CTPS1: variants seen among roughly 807,000 people sequenced by gnomAD.
CTPS1 encodes CTP synthase 1, also known as CTP synthetase 1.
In CTPS1, 25 loss-of-function variants were observed where a neutral mutation model predicts 80.5. That is an observed-to-expected ratio of 0.31 (90% CI 0.23 to 0.43). The LOEUF (loss-of-function observed/expected upper bound fraction) is 0.43, where lower values mean the gene tolerates loss of function less well. CTPS1 is among the 20% of genes least tolerant of loss of function. The pLI, the probability that CTPS1 is intolerant of heterozygous loss-of-function variation, is 1.00. For missense variants in CTPS1, 442 were observed against 725.7 expected, an observed-to-expected ratio of 0.61 and a Z score of 4.49; for synonymous variants, 267 against 252.5, an observed-to-expected ratio of 1.06 and a Z score of -0.54.
chr1:41,005,755 T>A (rs1238336401), intron 12 of CTPS1, among the ~76,000 whole-genome samples: 1 of 151,878 alleles, frequency 6.6e-6, no homozygotes, highest in African/African-American at 2.4e-5. Flanking sequence ...TGAAAAAAAA[T>A]TAGCTGGATG....
chr1:40,991,615 T>C, intron 6 of CTPS1, 150 bp from the exon 7 acceptor site: 1 of 597,796 alleles, frequency 1.7e-6, no homozygotes, highest in South Asian at 2.2e-5. Context: ...AAACGAGTCA[T>C]AATATTTTTA....
chr1:40,997,742 G>C (rs1570964094), intron 9 of CTPS1, among the ~76,000 whole-genome samples: 1 of 152,340 alleles, frequency 6.6e-6, no homozygotes, highest in East Asian at 1.9e-4. Flanking sequence ...GGCTAGAGGA[G>C]AGGGTGAGAG....
chr1:40,984,075 T>C (rs1001021790), intron 2 of CTPS1, among the ~76,000 whole-genome samples: 1 of 152,238 alleles, frequency 6.6e-6, no homozygotes, highest in Admixed American at 6.5e-5. Flanking sequence ...GGTGAAAATA[T>C]GCAAGCATTA....
rs759063799 is a variant in CTPS1 at position 40,991,723 on chromosome 1, A to T, written c.640-42A>T. The T allele has an allele frequency of 1.0e-5, 15 of 1,434,432 alleles. No individual in the cohort carries two copies. The East Asian group carries it at 3.4e-4, about 33-fold the overall frequency. The allele number at this position is 1,434,432 out of a possible 1,614,324, so 88.9% of individuals were successfully genotyped here. A position where few individuals can be genotyped will look rare whatever the true frequency, so the allele number is the denominator to read the frequency against. On this transcript the variant is annotated intron_variant, in intron 6 of 18. Transcript: ENST00000650070. ...GTCAGGAGAAACCCCTACTTCTGTC[A>T]TTTTTTCCTTCTGTCTAAGCCATCT...
rs1642599588 is a variant in CTPS1 at position 40,991,150 on chromosome 1, T to C, written c.556-15T>C. The stretch of plus-strand genomic sequence containing the variant: ...AGGGAAACTAACTTTTTTTTTTTTT[T>C]CTTTTGTGAAATAGCCAAGTTCAAC... On this transcript the variant is annotated splice_polypyrimidine_tract_variant and intron_variant, in intron 5 of 18. Transcript: ENST00000650070. The C allele has an allele frequency of 1.3e-6, 2 of 1,565,226 alleles. No homozygotes were observed. The highest frequency in any genetic ancestry group is 1.7e-6 in the Non-Finnish European group (2 of 1,161,600).
rs374103645 is a variant in CTPS1 at position 40,985,007 on chromosome 1, C to T, written c.337+16C>T. ...ACTGTCCAAGGTAATACTGGATTTA[C>T]CTTTAAAGCTTAAAAGTCTTAACCA... is the stretch of plus-strand genomic sequence containing the variant. On this transcript the variant is annotated intron_variant, in intron 3 of 18. Transcript: ENST00000650070. The T allele has an allele frequency of 3.1e-5, 48 of 1,528,248 alleles. No individual in the cohort carries two copies. In the African/African-American group the frequency reaches 4.9e-4, roughly 16 times the overall value. The allele number at this position is 1,528,248 out of a possible 1,614,324, so 94.7% of individuals were successfully genotyped here. A position where few individuals can be genotyped will look rare whatever the true frequency, so the allele number is the denominator to read the frequency against.
intron 1 of CTPS1, chr1:40,980,873 C>G (rs907701372): frequency 2.6e-5 from 4 of 153,254 alleles, no homozygotes; most frequent in African/African-American, 9.6e-5. Flanking sequence ...GGCCTTACCT[C>G]TGTTCTCTGT....
chr1:40,985,475 C>T (rs1642428067), intron 3 of CTPS1, among the ~76,000 whole-genome samples: 2 of 152,192 alleles, frequency 1.3e-5, no homozygotes, highest in South Asian at 4.1e-4. Context: ...CTGGGTCCTC[C>T]CAAGCTTTCA....
intron 7 of CTPS1, among the ~76,000 whole-genome samples, chr1:40,994,214 G>T (rs988594425): frequency 1.2e-4 from 18 of 152,134 alleles, no homozygotes; most frequent in African/African-American, 4.3e-4. Flanking sequence ...AGGTCATGAA[G>T]ATTTTCTTGT....
rs117651382 is a variant in CTPS1, at chr1:40,989,927, T to G, written c.555+1217T>G. The stretch of plus-strand genomic sequence containing the variant: ...AGCAAAAAGACCAAGAGATAGAAAA[T>G]AGGAGAGAAAAGGTAAAATTAGAGG... On this transcript the variant is annotated intron_variant, in intron 5 of 18. Coordinates refer to ENST00000650070, the MANE Select transcript of CTPS1 (RefSeq NM_001905.4). Among the ~76,000 whole-genome samples, 8 of 151,650 alleles carry G rather than the reference T, an allele frequency of 5.3e-5. No homozygotes were observed. In the East Asian group the frequency reaches 1.6e-3, roughly 29 times the overall value.
At chr1:41,005,978 T>C in intron 12 of CTPS1, 73 bp from the exon 13 acceptor site, 3 of 1,240,282 alleles carry the variant, frequency 2.4e-6, no homozygotes, top group Non-Finnish European at 3.6e-6. Flanking sequence ...AAGTTGTGTT[T>C]AGAGCTTAGC....
Position 40,991,797 on chromosome 1 carries a change from A to G in CTPS1, c.672A>G (p.Thr224=). The G allele has an allele frequency of 6.2e-7, 1 of 1,614,120 alleles. No homozygotes were observed. ...VVCRCSNPLD[T]SVKEKISMFC... ...GCAGGTGCTCAAATCCACTTGACAC[A>G]TCAGTGAAGGAGAAAATATCAATGT... Residue 224 remains threonine, a synonymous_variant, in exon 7 of 19, where the codon ACA becomes ACG. Coordinates refer to ENST00000650070, the MANE Select transcript of CTPS1 (RefSeq NM_001905.4).
rs969931235 is a variant in CTPS1, at chr1:40,987,407, G to T, written c.373G>T (p.Val125Leu). 6.2e-7 allele frequency: 1 copy of T among 1,613,978 alleles called. No individual in the cohort carries two copies. The highest frequency in any genetic ancestry group is 8.5e-7 in the Non-Finnish European group (1 of 1,179,978). ...TATCACAGATGCAATCCAGGAGTGG[G>T]TGATGAGACAGGCGTTAATACCTGT... ...PHITDAIQEW[V>L]MRQALIPVDE... The change falls in exon 4 of 19, where the codon GTG becomes TTG. Residue 125 changes from valine (V) to leucine (L), a missense_variant. Physicochemically the swap from Val to Leu is conservative, Grantham distance 32 (BLOSUM62 1). Coordinates refer to ENST00000650070, the MANE Select transcript of CTPS1 (RefSeq NM_001905.4).
intron 17 of CTPS1, 84 bp from the exon 18 acceptor site, chr1:41,010,077 C>T: frequency 1.2e-6 from 1 of 835,678 alleles, no homozygotes; most frequent in Non-Finnish European, 2.0e-6. Flanking sequence ...GGCAAGTGTC[C>T]CTGTAGGAAC....
At chr1:41,009,669 T>A in intron 17 of CTPS1, 80 bp downstream of exon 17, 1 of 1,514,204 alleles carries the variant, frequency 6.6e-7, no homozygotes. Context: ...CAGCAACACG[T>A]CACAGTCAGT....
In CTPS1 at chr1:41,002,354, A is replaced by G. The variant is rs1168516565; in HGVS notation, c.1189+100A>G. 6.2e-5 allele frequency: 58 copies of G among 941,686 alleles called. 1 individual carries two copies. Among genetic ancestry groups the G allele is most frequent in the Middle Eastern group, 6.2e-4 (2 of 3,240 alleles). The allele number at this position is 941,686 out of a possible 1,614,324, so 58.3% of individuals were successfully genotyped here. A position where few individuals can be genotyped will look rare whatever the true frequency, so the allele number is the denominator to read the frequency against. ...AACAAAGTGGGGGGATTACTGAAAC[A>G]TGCTGTCTTTGTGGATAGGAGCTCA... On this transcript the variant is annotated intron_variant, in intron 11 of 18. Transcript: ENST00000650070.
chr1:40,998,228 C>G (rs1296065191), intron 9 of CTPS1, among the ~76,000 whole-genome samples: 1 of 149,914 alleles, frequency 6.7e-6, no homozygotes, highest in Non-Finnish European at 1.5e-5. Flanking sequence ...GAAACCCTGT[C>G]TCTACTTACA....
chr1:40,993,832 G>A (rs187582400), intron 7 of CTPS1, among the ~76,000 whole-genome samples: 337 of 119,714 alleles, frequency 2.8e-3, no homozygotes, highest in African/African-American at 9.9e-3. Flanking sequence ...AGACTGTAGT[G>A]CAGTGGCATG....
chr1:40,999,441 C>T (rs547745757), intron 9 of CTPS1, among the ~76,000 whole-genome samples: 51 of 152,234 alleles, frequency 3.4e-4, no homozygotes, highest in Admixed American at 2.2e-3. Context: ...TTTGAACAGA[C>T]ACTTCCAAAA....
Sources: gnomAD v4.1 joint callset for allele counts (sites outside exome capture counted in the v4.1 genomes callset) on GRCh38, gnomAD v4.1.1 for gene constraint, MANE v1.5 for transcripts, NCBI Gene and HGNC (gene_info 2026-07-23, HGNC 2026-07-21) for gene names.